EZH1: variants seen among roughly 807,000 people sequenced by gnomAD.
EZH1 encodes the protein histone-lysine N-methyltransferase EZH1.
In EZH1, 33 loss-of-function variants were observed where a neutral mutation model predicts 100.5. The ratio of observed to expected loss-of-function variants is 0.33; its 90% CI spans 0.25 to 0.44. The LOEUF (loss-of-function observed/expected upper bound fraction) is 0.44. Among genes scored for constraint, EZH1 ranks in the 20% least tolerant of loss-of-function variants. EZH1 has a pLI of 1.00. For missense variants in EZH1, 475 were observed against 928.4 expected, an observed-to-expected ratio of 0.51 and a Z score of 6.35; for synonymous variants, 272 against 313.8, an observed-to-expected ratio of 0.87 and a Z score of 1.41.
Position 42,718,984 on chromosome 17 carries a change from T to C in EZH1, c.767+121A>G. The C allele has an allele frequency of 1.4e-6, 1 of 738,380 alleles. No homozygotes were observed. The highest frequency in any genetic ancestry group is 2.3e-6 in the Non-Finnish European group (1 of 428,224). The allele number at this position is 738,380 out of a possible 1,614,324, so 45.7% of individuals were successfully genotyped here. On this transcript the variant is annotated intron_variant, in intron 8 of 20. Transcript: ENST00000428826. The surrounding 1 kb of genome is among the most constrained non-coding windows in gnomAD (Gnocchi z 4.2). ...ATTGAGTAAGCAAGAAATAATCAAA[T>C]TGCGGGCAAATCATAATGCCCTTAC...
At chr17:42,743,810 C>A (rs2054224714) in intron 1 of EZH1, among the ~76,000 whole-genome samples, 1 of 152,040 alleles carries the variant, frequency 6.6e-6, no homozygotes, top group South Asian at 2.1e-4. Flanking sequence ...TGTAAGTAAT[C>A]TCTTTTATCA....
intron 1 of EZH1, among the ~76,000 whole-genome samples, chr17:42,733,881 C>T (rs1056676394): frequency 7.4e-6 from 1 of 135,622 alleles, no homozygotes; most frequent in Non-Finnish European, 1.5e-5. Context: ...GTGGAGGTTG[C>T]AGTGAGCCGA....
In EZH1 at chr17:42,708,859, G is replaced by T; in HGVS notation, c.1534+17C>A. 9.3e-6 allele frequency: 15 copies of T among 1,613,990 alleles called. No individual in the cohort carries two copies. The highest frequency in any genetic ancestry group is 1.3e-5 in the Non-Finnish European group (15 of 1,179,960). ...GCCTCCAGCTGAACTGCTGAAGAAT[G>T]CCCTGGTAGAACTTACCTTTCTTCA... On this transcript the variant is annotated intron_variant, in intron 14 of 20. Transcript: ENST00000428826.
intron 19 of EZH1, 100 bp downstream of exon 19, chr17:42,703,639 AC>A (rs2053290030): frequency 1.2e-6 from 1 of 838,078 alleles, no homozygotes; most frequent in Non-Finnish European, 2.0e-6. Flanking sequence ...TTATCTTTGG[AC>A]AAAAAATAGC....
At chr17:42,738,308 T>C (rs1039589141) in intron 1 of EZH1, among the ~76,000 whole-genome samples, 1 of 152,064 alleles carries the variant, frequency 6.6e-6, no homozygotes, top group African/African-American at 2.4e-5. Context: ...ACAGCTTCTT[T>C]GTCTTAGGGG....
At chr17:42,719,471 G>A (rs1597842106) in intron 7 of EZH1, among the ~76,000 whole-genome samples, 2 of 152,258 alleles carry the variant, frequency 1.3e-5, no homozygotes, top group East Asian at 3.9e-4. Context: ...GGTGGCTCAC[G>A]CCTGTAATCC....
Position 42,706,111 on chromosome 17 carries a change from G to A in EZH1, c.1735C>T (p.Arg579Ter). Reference protein sequence around the residue: ...TKQCPCYLAVRECDPDLCLTC... With the variant: ...TKQCPCYLAV ...AGACACAGGTCAGGGTCACATTCTC[G>A]CACTGCCAGATAGCAAGGACATTGC... Residue 579 changes from arginine (R) to a stop codon, truncating the protein, a stop_gained, in exon 16 of 21, where the codon CGA becomes TGA. Transcript: ENST00000428826. LOFTEE classifies it high-confidence loss of function. This position sits in a 1 kb window ranked among gnomAD's most constrained non-coding sequence, Gnocchi z 4.4. The A allele has an allele frequency of 1.2e-6, 2 of 1,614,066 alleles. No individual in the cohort carries two copies. Among genetic ancestry groups the A allele is most frequent in the South Asian group, 1.1e-5 (1 of 91,076 alleles).
chr17:42,734,999 A>G (rs1194076147), intron 1 of EZH1, among the ~76,000 whole-genome samples: 1 of 145,080 alleles, frequency 6.9e-6, no homozygotes, highest in African/African-American at 2.5e-5. Flanking sequence ...TCTCAAAAAA[A>G]GAAGAGGAAA....
chr17:42,728,402 C>T (rs902136979), intron 3 of EZH1, among the ~76,000 whole-genome samples: 1 of 150,732 alleles, frequency 6.6e-6, no homozygotes, highest in African/African-American at 2.4e-5. Context: ...GTGTGAGCCA[C>T]CGCACCTGGC....
intron 4 of EZH1, among the ~76,000 whole-genome samples, chr17:42,726,791 G>A (rs1274298642): frequency 6.6e-6 from 1 of 152,046 alleles, no homozygotes; most frequent in Admixed American, 6.6e-5. Context: ...TGGGATTACA[G>A]GTGTGAGCCA....
In EZH1 at chr17:42,705,860, T is replaced by G; in HGVS notation, c.1839+147A>C. 4 of 893,328 alleles carry G rather than the reference T, an allele frequency of 4.5e-6. No individual in the cohort carries two copies. In the South Asian group the frequency reaches 9.6e-5, roughly 21 times the overall value. 55.3% of individuals were successfully genotyped at this position (893,328 alleles called of 1,614,324 possible). Reference sequence around the variant, plus strand: ...GCCCTACTGGGACTGAAGCCTTTATTAATTCAGTAAATATGTGTCTTTTAG... The same window carrying G: ...GCCCTACTGGGACTGAAGCCTTTATGAATTCAGTAAATATGTGTCTTTTAG... On this transcript the variant is annotated intron_variant, in intron 16 of 20. Coordinates refer to ENST00000428826, the MANE Select transcript of EZH1 (RefSeq NM_001991.5).
chr17:42,737,004 G>C (rs78287912), intron 1 of EZH1, among the ~76,000 whole-genome samples: 1 of 122,946 alleles, frequency 8.1e-6, no homozygotes, highest in Non-Finnish European at 1.7e-5. Flanking sequence ...TTTTTTTTTT[G>C]AGACAGAGTC....
intron 6 of EZH1, among the ~76,000 whole-genome samples, chr17:42,720,893 C>T (rs1483361814): frequency 2.0e-5 from 3 of 152,068 alleles, no homozygotes; most frequent in African/African-American, 7.2e-5. Flanking sequence ...TCAGGTGATC[C>T]GCCCGCCTCG....
rs533638472 is a variant in EZH1, at chr17:42,732,873, TAGG to T, written c.-102-1958_-102-1956del. ...CTGAGGTAGGAGGATCACTTGAGCC[TAGG>T]AGATCAAGGCTAGAGTGAGCTACTG... is the stretch of plus-strand genomic sequence containing the variant. On this transcript the variant is annotated intron_variant, in intron 1 of 20. Transcript: ENST00000428826. Among the ~76,000 whole-genome samples, 20 of 151,864 alleles carry T rather than the reference TAGG, an allele frequency of 1.3e-4. No individual in the cohort carries two copies. The East Asian group carries it at 2.1e-3, about 16-fold the overall frequency.
chr17:42,730,825 T>C lies in EZH1; in HGVS notation c.-12+3A>G. ...AGTATGTATTCTAATATACTTTACC[T>C]ACCTTATAGAATGCAAGGGGAAGTG... On this transcript the variant is annotated splice_donor_region_variant and intron_variant, in intron 2 of 20. Transcript: ENST00000428826. 1 of 984,480 alleles carries C rather than the reference T, an allele frequency of 1.0e-6. No homozygotes were observed. The highest frequency in any genetic ancestry group is 1.2e-6 in the Non-Finnish European group (1 of 828,948). The allele number at this position is 984,480 out of a possible 1,614,324, so 61.0% of individuals were successfully genotyped here.
chr17:42,710,629 GTTT>G (rs1205688200), intron 12 of EZH1, among the ~76,000 whole-genome samples: 2 of 139,950 alleles, frequency 1.4e-5, no homozygotes, highest in Non-Finnish European at 3.1e-5. Context: ...GTTTTTGTTT[GTTT>G]TTTTTTTTTT....
chr17:42,727,424 T>A (rs917705690), intron 4 of EZH1, among the ~76,000 whole-genome samples: 1 of 150,602 alleles, frequency 6.6e-6, no homozygotes, highest in Non-Finnish European at 1.5e-5. Context: ...TTTTAAAAAA[T>A]TTTTTAGAGA....
chr17:42,729,796 T>C (rs1337223376), intron 2 of EZH1, among the ~76,000 whole-genome samples: 1 of 149,678 alleles, frequency 6.7e-6, no homozygotes, highest in Non-Finnish European at 1.5e-5. Context: ...TCCCAGCACT[T>C]TGGGAGGCCA....
At chr17:42,736,638 C>A (rs2054068889) in intron 1 of EZH1, among the ~76,000 whole-genome samples, 1 of 152,046 alleles carries the variant, frequency 6.6e-6, no homozygotes, top group Non-Finnish European at 1.5e-5. Flanking sequence ...AGTTCGAGAC[C>A]AGCCTGGCCA....
Sources: allele counts gnomAD v4.1 joint callset (sites outside exome capture counted in the v4.1 genomes callset), GRCh38; gene constraint gnomAD v4.1.1; non-coding constraint Gnocchi (gnomAD v3.1); transcripts MANE v1.5; gene names NCBI Gene and HGNC (gene_info 2026-07-23, HGNC 2026-07-21).